Variants in SUFU observed in about 807,000 individuals in gnomAD.
SUFU encodes suppressor of fused homolog.
In SUFU, 7 loss-of-function variants were observed where a neutral mutation model predicts 58.9. The observed-to-expected ratio is 0.12, with a 90% CI of 0.07 to 0.22. The LOEUF is 0.22. SUFU is among the 10% of genes least tolerant of loss of function. The probability of loss-of-function intolerance (pLI) is 1.00; values close to 1 mark genes in which losing one functional copy is unlikely to be tolerated. For missense variants in SUFU, 451 were observed against 641.3 expected (o/e 0.70, Z 3.20); for synonymous variants, 232 against 254.8 (o/e 0.91, Z 0.85).
chr10:102,549,496 A>C (rs1174240432), intron 2 of SUFU, among the ~76,000 whole-genome samples: 1 of 152,220 alleles, frequency 6.6e-6, no homozygotes, highest in Non-Finnish European at 1.5e-5. Flanking sequence ...GGGGATTACA[A>C]TTCAAGATGA....
At chr10:102,621,109 G>A (rs548942513) in intron 10 of SUFU, among the ~76,000 whole-genome samples, 1 of 152,286 alleles carries the variant, frequency 6.6e-6, no homozygotes, top group South Asian at 2.1e-4. Flanking sequence ...GCTCTCCTCT[G>A]GGCAAGCCCT....
chr10:102,555,722 G>A (rs2062968635), intron 3 of SUFU, among the ~76,000 whole-genome samples: 1 of 152,180 alleles, frequency 6.6e-6, no homozygotes, highest in Non-Finnish European at 1.5e-5. Context: ...TATTTTGTAA[G>A]ATTGGGTGTA....
chr10:102,576,155 A>G (rs2063209831), intron 3 of SUFU, among the ~76,000 whole-genome samples: 1 of 151,976 alleles, frequency 6.6e-6, no homozygotes. Flanking sequence ...CTCAGATGTT[A>G]AAAACTTAGA....
upstream of SUFU, chr10:102,503,954 C>T (rs938936109): frequency 3.1e-5 from 22 of 711,942 alleles, no homozygotes; most frequent in Non-Finnish European, 4.0e-5. Context: ...GCCCCGCCGC[C>T]CCGAGGCACC....
intron 1 of SUFU, among the ~76,000 whole-genome samples, chr10:102,505,828 G>T (rs1273266708): frequency 6.6e-6 from 1 of 152,124 alleles, no homozygotes; most frequent in Non-Finnish European, 1.5e-5. Context: ...AGCAGCTCTT[G>T]CTAGCTTAAT....
intron 3 of SUFU, among the ~76,000 whole-genome samples, chr10:102,576,015 T>G (rs1419066302): frequency 4.3e-5 from 2 of 46,238 alleles, no homozygotes; most frequent in African/African-American, 1.6e-4. Context: ...TTTTCTGTGT[T>G]TTTTTTTTTT....
chr10:102,580,924 G>A (rs1045325589), intron 3 of SUFU, among the ~76,000 whole-genome samples: 2 of 152,100 alleles, frequency 1.3e-5, no homozygotes, highest in African/African-American at 4.8e-5. Flanking sequence ...GCTCACACCT[G>A]TAATCCCAGC....
At chr10:102,567,681 G>A (rs2063105559) in intron 3 of SUFU, among the ~76,000 whole-genome samples, 1 of 152,146 alleles carries the variant, frequency 6.6e-6, no homozygotes, top group Admixed American at 6.6e-5. Context: ...TTTTAAAGAG[G>A]GATTGCAGCA....
At chr10:102,599,361 AG>A (rs2063494011) in intron 7 of SUFU, 71 bp from the exon 8 acceptor site, 1 of 1,175,296 alleles carries the variant, frequency 8.5e-7, no homozygotes. Context: ...CTGCTGAGCC[AG>A]GTTTCAAGAG....
At chr10:102,616,946 A>T (rs960215662) in intron 9 of SUFU, among the ~76,000 whole-genome samples, 1 of 152,196 alleles carries the variant, frequency 6.6e-6, no homozygotes, top group Non-Finnish European at 1.5e-5. Flanking sequence ...ACCTCTGGGC[A>T]TGACCTTCAG....
At chr10:102,515,406 C>T (rs886132636) in intron 2 of SUFU, among the ~76,000 whole-genome samples, 1 of 151,208 alleles carries the variant, frequency 6.6e-6, no homozygotes, top group African/African-American at 2.4e-5. Flanking sequence ...ACCTCCACCT[C>T]CCTGGTTCAA....
At position 102,625,300 on chromosome 10, in the gene SUFU, G is replaced by A. The variant is rs1396245057; in HGVS notation, c.1297-1875G>A. On this transcript the variant is annotated intron_variant, in intron 10 of 11. Transcript: ENST00000369902. The surrounding 1 kb of genome is among the most constrained non-coding windows in gnomAD (Gnocchi z 4.7). ...CACCTCCCCGAACTTTGCCAACTTT[G>A]CCTCTCCTGCTCTGTCTCTAAGCCT... Among the ~76,000 whole-genome samples, 1 of 152,198 alleles carries A rather than the reference G, an allele frequency of 6.6e-6. No homozygotes were observed. Among genetic ancestry groups the A allele is most frequent in the Non-Finnish European group, 1.5e-5 (1 of 68,050 alleles).
chr10:102,586,542 G>A lies in SUFU; in HGVS notation c.455-6040G>A, dbSNP rs893915904. Among the ~76,000 whole-genome samples, 6 of 152,018 alleles carry A rather than the reference G, an allele frequency of 3.9e-5. No homozygotes were observed. In the East Asian group the frequency reaches 5.8e-4, roughly 15 times the overall value. On this transcript the variant is annotated intron_variant, in intron 3 of 11. Transcript: ENST00000369902. ...CTAAAAATTAGCCGGGCATGGTGGC[G>A]GGTGCCTGTAGTCCCAGCTACTCGG...
intron 8 of SUFU, 85 bp downstream of exon 8, chr10:102,599,629 C>G: frequency 6.1e-6 from 7 of 1,156,234 alleles, no homozygotes; most frequent in Non-Finnish European, 9.0e-6. Context: ...TGAGAGAGAA[C>G]AATGCACATA....
At chr10:102,552,223 T>G (rs1484834373) in intron 3 of SUFU, among the ~76,000 whole-genome samples, 1 of 151,978 alleles carries the variant, frequency 6.6e-6, no homozygotes, top group Non-Finnish European at 1.5e-5. Context: ...AGCAGGAGGA[T>G]CACTTGAGCT....
intron 8 of SUFU, among the ~76,000 whole-genome samples, chr10:102,599,984 A>T (rs2063501851): frequency 6.6e-6 from 1 of 152,030 alleles, no homozygotes; most frequent in African/African-American, 2.4e-5. Flanking sequence ...CCCATACTGG[A>T]TGCCTGTGGC....
At chr10:102,608,353 A>G (rs2063584424) in intron 8 of SUFU, among the ~76,000 whole-genome samples, 1 of 152,256 alleles carries the variant, frequency 6.6e-6, no homozygotes, top group South Asian at 2.1e-4. Flanking sequence ...TTGACTAAAC[A>G]CTAAAAAAGA....
intron 2 of SUFU, among the ~76,000 whole-genome samples, chr10:102,539,779 C>T (rs997728096): frequency 7.9e-5 from 12 of 152,244 alleles, no homozygotes; most frequent in African/African-American, 2.4e-4. Context: ...TGGAGATGCA[C>T]ATCCACATAT....
chr10:102,583,455 T>C (rs2063303470), intron 3 of SUFU, among the ~76,000 whole-genome samples: 1 of 152,186 alleles, frequency 6.6e-6, no homozygotes, highest in Non-Finnish European at 1.5e-5. Flanking sequence ...TGGGCCCGAC[T>C]CCCTTTTCTT....
Sources: allele counts gnomAD v4.1 joint callset (sites outside exome capture counted in the v4.1 genomes callset), GRCh38; gene constraint gnomAD v4.1.1; non-coding constraint Gnocchi (gnomAD v3.1); transcripts MANE v1.5; gene names NCBI Gene and HGNC (gene_info 2026-07-23, HGNC 2026-07-21).